MGAT4C: variants seen among roughly 807,000 people sequenced by gnomAD.
MGAT4C encodes MGAT4 family member C, also known as alpha-1,3-mannosyl-glycoprotein 4-beta-N-acetylglucosaminyltransferase C.
In MGAT4C, 19 loss-of-function variants were observed where a neutral mutation model predicts 40.1. The ratio of observed to expected loss-of-function variants is 0.47; its 90% CI spans 0.33 to 0.70. The LOEUF is 0.70. Among genes scored for constraint, MGAT4C ranks in the 30% least tolerant of loss-of-function variants. The pLI, the probability that MGAT4C is intolerant of heterozygous loss-of-function variation, is 0.02. For missense variants in MGAT4C, 491 were observed against 563.2 expected (o/e 0.87, Z 1.30); for synonymous variants, 181 against 187.1 (o/e 0.97, Z 0.27).
intron 2 of MGAT4C, among the ~76,000 whole-genome samples, chr12:86,653,834 T>G (rs567329555): frequency 3.9e-5 from 6 of 151,900 alleles, no homozygotes; most frequent in Admixed American, 1.3e-4. Flanking sequence ...TATGTAGTAT[T>G]AAATAAAATT....
intron 1 of MGAT4C, among the ~76,000 whole-genome samples, chr12:86,243,213 A>G (rs1951860530): frequency 2.0e-5 from 3 of 152,298 alleles, no homozygotes; most frequent in East Asian, 1.9e-4. Flanking sequence ...TTTCTTGGTT[A>G]CTGACAAATT....
intron 2 of MGAT4C, among the ~76,000 whole-genome samples, chr12:86,683,271 A>G (rs1950014944): frequency 1.3e-5 from 2 of 151,924 alleles, no homozygotes; most frequent in Non-Finnish European, 1.5e-5. Context: ...TTAACTATCT[A>G]TCATCTATCT....
At chr12:86,626,794 G>T (rs933461020) in intron 2 of MGAT4C, among the ~76,000 whole-genome samples, 1 of 152,214 alleles carries the variant, frequency 6.6e-6, no homozygotes, top group African/African-American at 2.4e-5. Context: ...GCAGCTCCCA[G>T]TGTGATTGAC....
chr12:86,380,630 T>A (rs924974461), intron 3 of MGAT4C, among the ~76,000 whole-genome samples: 1 of 152,092 alleles, frequency 6.6e-6, no homozygotes, highest in African/African-American at 2.4e-5. Flanking sequence ...TTACACAACA[T>A]ACCTACTAAG....
At chr12:86,831,217 G>T (rs1952921210) in intron 1 of MGAT4C, among the ~76,000 whole-genome samples, 1 of 151,282 alleles carries the variant, frequency 6.6e-6, no homozygotes, top group Admixed American at 6.6e-5. Flanking sequence ...TCCCAACCTT[G>T]AACCCACAAT....
chr12:86,365,760 T>C (rs1231151972), intron 3 of MGAT4C, among the ~76,000 whole-genome samples: 1 of 151,950 alleles, frequency 6.6e-6, no homozygotes, highest in South Asian at 2.1e-4. Context: ...TTCTGTTCTA[T>C]TGGTCTTGTT....
chr12:86,242,212 T>C (rs1951819563), intron 1 of MGAT4C, among the ~76,000 whole-genome samples: 1 of 152,130 alleles, frequency 6.6e-6, no homozygotes, highest in African/African-American at 2.4e-5. Context: ...AGGCAGACAT[T>C]GATTATAGAG....
chr12:86,643,319 T>C (rs909331090), intron 2 of MGAT4C, among the ~76,000 whole-genome samples: 1 of 151,746 alleles, frequency 6.6e-6, no homozygotes, highest in African/African-American at 2.4e-5. Context: ...CATATGAAAT[T>C]TGGGGGACAC....
chr12:86,773,425 G>A (rs566729809), intron 1 of MGAT4C, among the ~76,000 whole-genome samples: 2 of 152,180 alleles, frequency 1.3e-5, no homozygotes, highest in South Asian at 2.1e-4. Flanking sequence ...CCTCAAAAAT[G>A]TGAGAAAATA....
intron 1 of MGAT4C, among the ~76,000 whole-genome samples, chr12:86,117,778 G>A (rs1040595108): frequency 2.0e-5 from 3 of 152,106 alleles, no homozygotes; most frequent in African/African-American, 4.8e-5. Flanking sequence ...ACTCCAGAAT[G>A]TTCATGGTCA....
chr12:86,709,946 C>T (rs1950529065), intron 2 of MGAT4C, among the ~76,000 whole-genome samples: 1 of 152,084 alleles, frequency 6.6e-6, no homozygotes, highest in Non-Finnish European at 1.5e-5. Flanking sequence ...AGGCCAGTTA[C>T]TTTTTTCTGT....
At chr12:86,574,419 T>C (rs1418787550) in intron 2 of MGAT4C, among the ~76,000 whole-genome samples, 1 of 151,838 alleles carries the variant, frequency 6.6e-6, no homozygotes, top group Non-Finnish European at 1.5e-5. Flanking sequence ...ACCTGAATAT[T>C]AGAATGCATT....
At chr12:86,048,564 A>T (rs1340726004) in intron 2 of MGAT4C, among the ~76,000 whole-genome samples, 3 of 152,158 alleles carry the variant, frequency 2.0e-5, no homozygotes, top group Admixed American at 2.0e-4. Flanking sequence ...CTGGATATAG[A>T]TTCAAAGTAA....
At chr12:86,522,118 G>T (rs1315329309) in intron 2 of MGAT4C, among the ~76,000 whole-genome samples, 1 of 152,074 alleles carries the variant, frequency 6.6e-6, no homozygotes, top group African/African-American at 2.4e-5. Flanking sequence ...TAATTACTCT[G>T]CTCAGGACTT....
chr12:86,469,705 C>T (rs904585833), intron 2 of MGAT4C, among the ~76,000 whole-genome samples: 1 of 152,040 alleles, frequency 6.6e-6, no homozygotes, highest in Non-Finnish European at 1.5e-5. Flanking sequence ...ATGACTGTGG[C>T]CTTGTAAGAG....
chr12:86,555,280 C>T (rs1959554768), intron 2 of MGAT4C, among the ~76,000 whole-genome samples: 1 of 152,120 alleles, frequency 6.6e-6, no homozygotes, highest in Non-Finnish European at 1.5e-5. Context: ...CAAAAAAAGA[C>T]AGTAATTGTC....
At chr12:86,588,242 G>A (rs911619065) in intron 2 of MGAT4C, among the ~76,000 whole-genome samples, 1 of 151,962 alleles carries the variant, frequency 6.6e-6, no homozygotes, top group Non-Finnish European at 1.5e-5. Context: ...AAAAAGGCAG[G>A]ATTTGCAATC....
At chr12:86,555,375 GA>G (rs1022492362) in intron 2 of MGAT4C, among the ~76,000 whole-genome samples, 2 of 152,118 alleles carry the variant, frequency 1.3e-5, no homozygotes, top group African/African-American at 2.4e-5. Context: ...TATATGTTGG[GA>G]AAAGCTGAGT....
intron 3 of MGAT4C, among the ~76,000 whole-genome samples, chr12:86,346,905 C>A (rs1032235588): frequency 6.6e-6 from 1 of 152,182 alleles, no homozygotes; most frequent in African/African-American, 2.4e-5. Flanking sequence ...GCTGTGTCTT[C>A]CGGCCTTCAT....
Sources: gnomAD v4.1 joint callset for allele counts (sites outside exome capture counted in the v4.1 genomes callset) on GRCh38, gnomAD v4.1.1 for gene constraint, MANE v1.5 for transcripts, NCBI Gene and HGNC (gene_info 2026-07-23, HGNC 2026-07-21) for gene names.